The following EYS variants were observed in gnomAD, a reference collection of about 807,000 sequenced individuals.
The protein encoded by EYS is EGF-like photoreceptor maintenance factor.
A neutral mutation model predicts 282.1 loss-of-function variants in EYS; 250 were observed. That is an observed-to-expected ratio of 0.89 (90% CI 0.80 to 0.98). EYS has a LOEUF of 0.98. Among genes scored for constraint, EYS ranks in the 50% least tolerant of loss-of-function variants. The pLI is 0.00. For synonymous variants in EYS, 1,355 were observed against 1,282.9 expected, an observed-to-expected ratio of 1.06 and a Z score of -1.20; for missense variants, 4,016 against 3,709.0, an observed-to-expected ratio of 1.08 and a Z score of -2.15.
intron 19 of EYS, among the ~76,000 whole-genome samples, chr6:64,844,267 T>G (rs1231904838): frequency 4.6e-5 from 7 of 152,132 alleles, no homozygotes; most frequent in African/African-American, 1.7e-4. Context: ...GTTCTTAAAT[T>G]TCTTTTTTTC....
chr6:64,436,137 T>C, intron 28 of EYS, 37 bp downstream of exon 28: 1 of 1,278,792 alleles, frequency 7.8e-7, no homozygotes, highest in Non-Finnish European at 1.1e-6. Flanking sequence ...CCTTTGCTAC[T>C]TAATGAGATT....
intron 12 of EYS, among the ~76,000 whole-genome samples, chr6:65,122,001 C>T (rs1775567853): frequency 6.6e-6 from 1 of 151,962 alleles, no homozygotes; most frequent in Admixed American, 6.6e-5. Flanking sequence ...TTTCTTATAT[C>T]ATGCCTTATG....
At chr6:64,565,262 C>T (rs1050308587) in intron 26 of EYS, among the ~76,000 whole-genome samples, 5 of 152,048 alleles carry the variant, frequency 3.3e-5, no homozygotes, top group Non-Finnish European at 7.4e-5. Context: ...ATATCACTAT[C>T]CAGACCAAAG....
chr6:63,887,872 C>T (rs1279012417), intron 35 of EYS, among the ~76,000 whole-genome samples: 1 of 152,210 alleles, frequency 6.6e-6, no homozygotes. Context: ...CAGCAGATCT[C>T]ACCCCCATGG....
chr6:64,459,338 A>G (rs1775665783), intron 26 of EYS, among the ~76,000 whole-genome samples: 1 of 152,208 alleles, frequency 6.6e-6, no homozygotes, highest in Non-Finnish European at 1.5e-5. Flanking sequence ...CTGCAGTTAA[A>G]TGAGAGTATG....
At chr6:64,974,003 A>G (rs1385513077) in intron 14 of EYS, among the ~76,000 whole-genome samples, 1 of 151,956 alleles carries the variant, frequency 6.6e-6, no homozygotes, top group Non-Finnish European at 1.5e-5. Flanking sequence ...ATTCATTGAG[A>G]AAGAGAATAT....
At chr6:65,391,450 C>T (rs1343043038) in intron 7 of EYS, among the ~76,000 whole-genome samples, 1 of 152,132 alleles carries the variant, frequency 6.6e-6, no homozygotes, top group Admixed American at 6.6e-5. Context: ...CCTCCTTAAG[C>T]TGACAAGCAA....
intron 2 of EYS, among the ~76,000 whole-genome samples, chr6:65,596,115 G>A (rs1440705251): frequency 6.6e-6 from 1 of 151,972 alleles, no homozygotes; most frequent in Non-Finnish European, 1.5e-5. Flanking sequence ...CGTCTTTTGA[G>A]GCCTACTGTC....
intron 12 of EYS, among the ~76,000 whole-genome samples, chr6:65,225,755 C>A (rs113641708): frequency 2.0e-5 from 3 of 149,646 alleles, no homozygotes; most frequent in South Asian, 4.2e-4. Context: ...AACCAATCCA[C>A]GTAACTTTAA....
rs370775676 is a variant in EYS, at chr6:65,009,265, C to G, written c.2138-11562G>C. On this transcript the variant is annotated intron_variant, in intron 13 of 42. Coordinates refer to ENST00000503581, the MANE Select transcript of EYS (RefSeq NM_001142800.2). ...AACAAGAACTCCAAAAAATTAAGGA[C>G]CTAAAAGCCCAAGGCCTAGTAAAAC... Among the ~76,000 whole-genome samples the G allele has an allele frequency of 1.8e-4, 27 of 152,186 alleles. No individual in the cohort carries two copies. In the South Asian group the frequency reaches 5.0e-3, roughly 28 times the overall value.
chr6:63,856,154 A>G (rs1026097989), intron 36 of EYS, among the ~76,000 whole-genome samples: 6 of 151,868 alleles, frequency 4.0e-5, no homozygotes, highest in Non-Finnish European at 8.8e-5. Flanking sequence ...GACAGTATTC[A>G]TTTGATATGA....
intron 12 of EYS, among the ~76,000 whole-genome samples, chr6:65,226,300 T>C (rs1562034492): frequency 6.6e-6 from 1 of 151,962 alleles, no homozygotes. Context: ...AGAAATAAAC[T>C]TAATCAATGA....
At position 64,218,301 on chromosome 6, in the gene EYS, CCTT is replaced by C. The variant is rs199571262; in HGVS notation, c.6424+12288_6424+12290del. 9.3e-3 allele frequency among the ~76,000 whole-genome samples: 1,422 copies of C among 152,280 alleles called. 29 individuals carry two copies. The highest frequency in any genetic ancestry group is 0.031 in the African/African-American group (1,308 of 41,574). ...ACTAAAAAGCCTTACAATCATGACT[CCTT>C]CTTGTGTCCCTTTGAGATTTATTGT... On this transcript the variant is annotated intron_variant, in intron 31 of 42. Coordinates refer to ENST00000503581, the MANE Select transcript of EYS (RefSeq NM_001142800.2).
chr6:64,995,444 A>G (rs989410054), intron 14 of EYS, among the ~76,000 whole-genome samples: 1 of 152,118 alleles, frequency 6.6e-6, no homozygotes, highest in Non-Finnish European at 1.5e-5. Context: ...CTTATACATT[A>G]TCAAACCTGA....
intron 29 of EYS, among the ~76,000 whole-genome samples, chr6:64,317,767 T>C (rs1274658523): frequency 6.6e-6 from 1 of 152,086 alleles, no homozygotes; most frequent in Admixed American, 6.6e-5. Context: ...TAGCAAAGAC[T>C]TGGAACCAAC....
chr6:64,060,406 T>A (rs1038231823), intron 33 of EYS, among the ~76,000 whole-genome samples: 1 of 152,172 alleles, frequency 6.6e-6, no homozygotes, highest in African/African-American at 2.4e-5. Context: ...AAAGGGCAGA[T>A]AACTGGAATC....
At chr6:65,572,884 A>G (rs1764528395) in intron 2 of EYS, among the ~76,000 whole-genome samples, 1 of 152,156 alleles carries the variant, frequency 6.6e-6, no homozygotes, top group East Asian at 1.9e-4. Context: ...ATCTATTTGC[A>G]TGCTTTCCAT....
intron 26 of EYS, among the ~76,000 whole-genome samples, chr6:64,515,339 G>T (rs1181633185): frequency 6.6e-6 from 1 of 151,480 alleles, no homozygotes; most frequent in South Asian, 2.1e-4. Flanking sequence ...GTAAGTAAAA[G>T]GGAAGGTTTT....
intron 26 of EYS, among the ~76,000 whole-genome samples, chr6:64,563,073 T>C (rs987145457): frequency 3.2e-4 from 48 of 152,158 alleles, no homozygotes; most frequent in Middle Eastern, 3.4e-3. Context: ...AGTAAAACAA[T>C]AGTAAATTGG....
Sources: allele counts gnomAD v4.1 joint callset (sites outside exome capture counted in the v4.1 genomes callset), GRCh38; gene constraint gnomAD v4.1.1; transcripts MANE v1.5; gene names NCBI Gene and HGNC (gene_info 2026-07-23, HGNC 2026-07-21).